GAS7: variants seen among roughly 807,000 people sequenced by gnomAD.
GAS7 encodes growth arrest specific 7.
In GAS7, 28 loss-of-function variants were observed where a neutral mutation model predicts 71.1. That is an observed-to-expected ratio of 0.39 (90% CI 0.29 to 0.54). The LOEUF (loss-of-function observed/expected upper bound fraction) is 0.54. Ranked by LOEUF, GAS7 falls within the 20% of genes least tolerant of loss-of-function variation. GAS7 has a pLI of 0.62. For synonymous variants in GAS7, 258 were observed against 245.8 expected (o/e 1.05, Z -0.46); for missense variants, 436 against 627.8 (o/e 0.69, Z 3.27).
At chr17:10,153,302 C>A (rs1373821871) in intron 1 of GAS7, among the ~76,000 whole-genome samples, 5 of 151,684 alleles carry the variant, frequency 3.3e-5, no homozygotes, top group Non-Finnish European at 1.5e-5. Flanking sequence ...GAATTCAAGA[C>A]CAGCCTGGCC....
intron 1 of GAS7, among the ~76,000 whole-genome samples, chr17:10,138,716 G>A (rs963602528): frequency 2.6e-5 from 4 of 152,078 alleles, no homozygotes; most frequent in African/African-American, 7.2e-5. Flanking sequence ...GCAGTAAGCC[G>A]AGATCGTGCC....
At chr17:9,925,748 G>T in intron 10 of GAS7, 149 bp from the exon 11 acceptor site, 1 of 784,148 alleles carries the variant, frequency 1.3e-6, no homozygotes, top group Non-Finnish European at 2.0e-6. Context: ...AGCAGCCAGA[G>T]TGGCACCACC....
intron 1 of GAS7, among the ~76,000 whole-genome samples, chr17:10,164,488 A>G (rs2074278451): frequency 6.6e-6 from 1 of 151,360 alleles, no homozygotes; most frequent in Non-Finnish European, 1.5e-5. Context: ...TTCTCTTCAG[A>G]GAAAATTGTC....
At position 10,112,769 on chromosome 17, in the gene GAS7, G is replaced by GAAAGAA. The variant is rs1215279481; in HGVS notation, c.183+85433_183+85438dup. ...ACAAACAAAGAAAAGAAAAAAGAAA[G>GAAAGAA]AAAGAAAGAGAGAAAGAGAAAGAAA... On this transcript the variant is annotated intron_variant, in intron 1 of 13. Coordinates refer to ENST00000432992, the MANE Select transcript of GAS7 (RefSeq NM_201433.2). 2.9e-4 allele frequency among the ~76,000 whole-genome samples: 38 copies of GAAAGAA among 132,190 alleles called. 2 individuals carry two copies. Among genetic ancestry groups the GAAAGAA allele is most frequent in the Non-Finnish European group, 8.2e-5 (5 of 60,806 alleles). 86.7% of individuals were successfully genotyped at this position (132,190 alleles called of 152,430 possible).
At chr17:10,094,851 T>A (rs887611747) in intron 1 of GAS7, among the ~76,000 whole-genome samples, 5 of 152,168 alleles carry the variant, frequency 3.3e-5, no homozygotes, top group African/African-American at 1.2e-4. Context: ...TAAGTCTTTG[T>A]AACCACCATT....
intron 2 of GAS7, among the ~76,000 whole-genome samples, chr17:9,991,994 C>T (rs1430828787): frequency 1.3e-5 from 2 of 152,188 alleles, no homozygotes; most frequent in East Asian, 3.9e-4. Context: ...ACTGGAGCCA[C>T]TTGTTAGAAA....
chr17:10,180,579 C>T lies in GAS7; in HGVS notation c.183+17629G>A, dbSNP rs143380196. Among the ~76,000 whole-genome samples the T allele has an allele frequency of 1.1e-3, 163 of 152,114 alleles. 1 individual carries two copies. Among genetic ancestry groups the T allele is most frequent in the African/African-American group, 3.6e-3 (149 of 41,472 alleles). ...TCAACGCCTGTTTTTCTCTCCAGCACGAAATAATAATGGTTTGCTGCCCTA... is the reference window on the plus strand; with the variant it reads ...TCAACGCCTGTTTTTCTCTCCAGCATGAAATAATAATGGTTTGCTGCCCTA... On this transcript the variant is annotated intron_variant, in intron 1 of 13. Transcript: ENST00000432992.
chr17:9,944,144 C>A (rs1181894807), intron 6 of GAS7, among the ~76,000 whole-genome samples: 1 of 152,116 alleles, frequency 6.6e-6, no homozygotes, highest in Non-Finnish European at 1.5e-5. Flanking sequence ...TCAAGCATAC[C>A]AAATGCCCCT....
At chr17:10,077,563 G>A (rs933537950) in intron 1 of GAS7, among the ~76,000 whole-genome samples, 10 of 152,154 alleles carry the variant, frequency 6.6e-5, no homozygotes, top group African/African-American at 2.4e-4. Flanking sequence ...AAGGAGGCTG[G>A]AGGAGAGCTT....
chr17:10,117,813 G>A (rs1424926241), intron 1 of GAS7, among the ~76,000 whole-genome samples: 2 of 152,164 alleles, frequency 1.3e-5, no homozygotes, highest in Non-Finnish European at 2.9e-5. Flanking sequence ...GGCTACAGTG[G>A]TAGGGTGGTG....
chr17:10,024,726 T>C (rs1440460788), intron 1 of GAS7, among the ~76,000 whole-genome samples: 1 of 152,140 alleles, frequency 6.6e-6, no homozygotes. Flanking sequence ...CTCAATGATA[T>C]ATATGGAAAG....
intron 2 of GAS7, among the ~76,000 whole-genome samples, chr17:10,014,756 G>A (rs1013077958): frequency 1.3e-5 from 2 of 152,144 alleles, no homozygotes; most frequent in African/African-American, 4.8e-5. Flanking sequence ...TGCAGGTTCT[G>A]AGATCACAGA....
intron 1 of GAS7, among the ~76,000 whole-genome samples, chr17:10,030,210 C>G (rs2072579466): frequency 6.6e-6 from 1 of 152,160 alleles, no homozygotes; most frequent in Non-Finnish European, 1.5e-5. Flanking sequence ...TTGTATTGGC[C>G]CCGAGGGGGC....
At chr17:10,074,265 G>A (rs2073369647) in intron 1 of GAS7, among the ~76,000 whole-genome samples, 1 of 152,136 alleles carries the variant, frequency 6.6e-6, no homozygotes, top group African/African-American at 2.4e-5. Flanking sequence ...CTTTCTGCTG[G>A]ATTGATTGCA....
At chr17:9,925,690 T>C (rs2067976705) in intron 10 of GAS7, 91 bp from the exon 11 acceptor site, 1 of 1,428,022 alleles carries the variant, frequency 7.0e-7, no homozygotes, top group South Asian at 1.2e-5. Flanking sequence ...TTGGAGTCCT[T>C]TCGCCCCTTG....
Position 10,177,308 on chromosome 17 carries a change from C to T in GAS7, c.183+20900G>A, listed in dbSNP as rs150293191. 3.9e-4 allele frequency among the ~76,000 whole-genome samples: 59 copies of T among 152,182 alleles called. No homozygotes were observed. In the East Asian group the frequency reaches 0.011, roughly 28 times the overall value. ...GGCACAGAGGTGTCAGGTTGCTTCC[C>T]GCTCCCCAGGAGAGGGAAAGTAAGG... On this transcript the variant is annotated intron_variant, in intron 1 of 13. Coordinates refer to ENST00000432992, the MANE Select transcript of GAS7 (RefSeq NM_201433.2).
intron 1 of GAS7, among the ~76,000 whole-genome samples, chr17:10,185,079 C>A (rs1487887025): frequency 6.6e-6 from 1 of 152,118 alleles, no homozygotes; most frequent in Non-Finnish European, 1.5e-5. Flanking sequence ...GCGCGTGCCA[C>A]CACACCAGGC....
chr17:10,019,070 C>T (rs982671472), intron 2 of GAS7, among the ~76,000 whole-genome samples: 1 of 152,128 alleles, frequency 6.6e-6, no homozygotes, highest in African/African-American at 2.4e-5. Flanking sequence ...ACAGAACCTG[C>T]CACGTGGTGC....
At chr17:9,966,993 C>G (rs1373800575) in intron 4 of GAS7, among the ~76,000 whole-genome samples, 1 of 152,122 alleles carries the variant, frequency 6.6e-6, no homozygotes, top group African/African-American at 2.4e-5. Context: ...CGCACGTTCG[C>G]CCTCTCCATA....
Sources: gnomAD v4.1 joint callset for allele counts (sites outside exome capture counted in the v4.1 genomes callset) on GRCh38, gnomAD v4.1.1 for gene constraint, MANE v1.5 for transcripts, NCBI Gene and HGNC (gene_info 2026-07-23, HGNC 2026-07-21) for gene names.